The following RHOJ variants were observed in gnomAD, a reference collection of about 807,000 sequenced individuals.
RHOJ encodes the protein rho-related GTP-binding protein RhoJ.
RHOJ carries 11 observed loss-of-function variants against 23.4 expected under a neutral mutation model. The ratio of observed to expected loss-of-function variants is 0.47; its 90% confidence interval spans 0.30 to 0.78. RHOJ has a LOEUF of 0.78. RHOJ is among the 30% of genes least tolerant of loss of function. The probability of loss-of-function intolerance (pLI) is 0.08; values close to 1 mark genes in which losing one functional copy is unlikely to be tolerated. For missense variants in RHOJ, 254 were observed against 273.4 expected, an observed-to-expected ratio of 0.93 and a Z score of 0.50; for synonymous variants, 102 against 102.7, an observed-to-expected ratio of 0.99 and a Z score of 0.04.
chr14:63,245,964 G>T (rs563975275), intron 1 of RHOJ, among the ~76,000 whole-genome samples: 2 of 152,100 alleles, frequency 1.3e-5, no homozygotes, highest in Non-Finnish European at 2.9e-5. Context: ...ATTATTAGAT[G>T]ATTTATGACC....
chr14:63,220,327 T>G (rs184238048), intron 1 of RHOJ, among the ~76,000 whole-genome samples: 1 of 152,162 alleles, frequency 6.6e-6, no homozygotes, highest in East Asian at 1.9e-4. Flanking sequence ...TTCTGCTCTT[T>G]TCTCATTATA....
At chr14:63,232,024 G>T (rs1894704954) in intron 1 of RHOJ, among the ~76,000 whole-genome samples, 2 of 152,184 alleles carry the variant, frequency 1.3e-5, no homozygotes, top group African/African-American at 4.8e-5. Context: ...TTCATAAGGA[G>T]AGCAGACAGT....
At chr14:63,283,289 G>A (rs771535701) in intron 4 of RHOJ, 73 bp downstream of exon 4, 1 of 1,230,254 alleles carries the variant, frequency 8.1e-7, no homozygotes. Flanking sequence ...GGAAATGGGT[G>A]TGCAACACTG....
At chr14:63,257,272 A>G (rs1229833057) in intron 1 of RHOJ, among the ~76,000 whole-genome samples, 1 of 142,808 alleles carries the variant, frequency 7.0e-6, no homozygotes, top group Admixed American at 7.0e-5. Context: ...TCTCTTTACC[A>G]GCTCACCCCG....
intron 1 of RHOJ, among the ~76,000 whole-genome samples, chr14:63,229,730 G>C (rs747011726): frequency 6.6e-6 from 1 of 152,074 alleles, no homozygotes; most frequent in Non-Finnish European, 1.5e-5. Flanking sequence ...TGCTTTTAAA[G>C]GGAACATGTG....
chr14:63,260,386 AAATAAATCTGGAT>A (rs1222653517), intron 1 of RHOJ, among the ~76,000 whole-genome samples: 8 of 152,162 alleles, frequency 5.3e-5, no homozygotes, highest in Non-Finnish European at 2.9e-5. Flanking sequence ...CTACAGCCTA[AAATAAATCTGGAT>A]AAGCCTAAGA....
chr14:63,234,062 T>A (rs965463574), intron 1 of RHOJ, among the ~76,000 whole-genome samples: 2 of 152,252 alleles, frequency 1.3e-5, no homozygotes, highest in Non-Finnish European at 2.9e-5. Flanking sequence ...GCAAGCCACC[T>A]GGTGTGTACA....
chr14:63,231,461 G>A (rs1894693600), intron 1 of RHOJ, among the ~76,000 whole-genome samples: 1 of 152,072 alleles, frequency 6.6e-6, no homozygotes, highest in South Asian at 2.1e-4. Flanking sequence ...TGGTTCCATG[G>A]GCAAAGAACT....
chr14:63,272,811 G>A (rs1221123780), intron 2 of RHOJ, among the ~76,000 whole-genome samples: 1 of 152,162 alleles, frequency 6.6e-6, no homozygotes, highest in Non-Finnish European at 1.5e-5. Context: ...AGATCACAAG[G>A]TCAGGAGTTC....
chr14:63,230,549 CCTT>C (rs1435737467), intron 1 of RHOJ, among the ~76,000 whole-genome samples: 1 of 152,134 alleles, frequency 6.6e-6, no homozygotes, highest in Non-Finnish European at 1.5e-5. Flanking sequence ...GTCCTTCACA[CCTT>C]CTTCAGAACC....
chr14:63,286,613 GT>G (rs1882089968), intron 4 of RHOJ, among the ~76,000 whole-genome samples: 1 of 152,190 alleles, frequency 6.6e-6, no homozygotes, highest in South Asian at 2.1e-4. Context: ...ACATTTAATA[GT>G]TTGGAAACAC....
At chr14:63,222,115 G>A (rs1283829518) in intron 1 of RHOJ, among the ~76,000 whole-genome samples, 1 of 151,678 alleles carries the variant, frequency 6.6e-6, no homozygotes. Flanking sequence ...GAGAATGATG[G>A]TTTCCAGCTT....
chr14:63,237,174 T>C (rs1052445558), intron 1 of RHOJ, among the ~76,000 whole-genome samples: 2 of 152,140 alleles, frequency 1.3e-5, no homozygotes, highest in African/African-American at 4.8e-5. Context: ...AAAGAAGATG[T>C]TTCATGATAC....
At chr14:63,218,689 A>C (rs1894418368) in intron 1 of RHOJ, among the ~76,000 whole-genome samples, 1 of 152,206 alleles carries the variant, frequency 6.6e-6, no homozygotes, top group Non-Finnish European at 1.5e-5. Flanking sequence ...CAGTTTCACA[A>C]AAGATACTCT....
At chr14:63,206,772 C>G (rs191998745) in intron 1 of RHOJ, among the ~76,000 whole-genome samples, 115 of 152,314 alleles carry the variant, frequency 7.6e-4, no homozygotes, top group Non-Finnish European at 1.3e-3. Context: ...AATGTACATA[C>G]TTACTATTGT....
At chr14:63,222,739 G>A (rs1163784118) in intron 1 of RHOJ, among the ~76,000 whole-genome samples, 1 of 152,182 alleles carries the variant, frequency 6.6e-6, no homozygotes, top group African/African-American at 2.4e-5. Flanking sequence ...TTTGTCAGAT[G>A]AGTAGATTGC....
chr14:63,211,176 G>C (rs1236969860), intron 1 of RHOJ, among the ~76,000 whole-genome samples: 4 of 152,044 alleles, frequency 2.6e-5, no homozygotes, highest in Non-Finnish European at 4.4e-5. Context: ...GTGGGAAACA[G>C]GTCCAATCCA....
intron 1 of RHOJ, among the ~76,000 whole-genome samples, chr14:63,240,994 T>C (rs1894873514): frequency 6.6e-6 from 1 of 152,226 alleles, no homozygotes; most frequent in Non-Finnish European, 1.5e-5. Flanking sequence ...TCTCCGAATA[T>C]TTCCCTTGCT....
chr14:63,280,925 C>G (rs1295375474), intron 2 of RHOJ, 46 bp from the exon 3 acceptor site: 1 of 1,564,200 alleles, frequency 6.4e-7, no homozygotes, highest in Non-Finnish European at 8.7e-7. Context: ...CTACATGGGA[C>G]ACACCTTACA....
Sources: gnomAD v4.1 joint callset for allele counts (sites outside exome capture counted in the v4.1 genomes callset) on GRCh38, gnomAD v4.1.1 for gene constraint, MANE v1.5 for transcripts, NCBI Gene and HGNC (gene_info 2026-07-23, HGNC 2026-07-21) for gene names.